CLEC4F: variants seen among roughly 807,000 people sequenced by gnomAD.
CLEC4F encodes the protein C-type (calcium dependent, carbohydrate-recognition domain) lectin, superfamily member 13.
Under a neutral mutation model 53.4 loss-of-function variants are expected in CLEC4F, and 45 were observed. That is an observed-to-expected ratio of 0.84 (90% confidence interval 0.66 to 1.08). The LOEUF (loss-of-function observed/expected upper bound fraction) is 1.08. Ranked by LOEUF, CLEC4F falls within the 50% of genes least tolerant of loss-of-function variation. The pLI, the probability that CLEC4F is intolerant of heterozygous loss-of-function variation, is 0.00. For synonymous variants in CLEC4F, 245 were observed against 257.5 expected, an observed-to-expected ratio of 0.95 and a Z score of 0.46; for missense variants, 753 against 698.2, an observed-to-expected ratio of 1.08 and a Z score of -0.88.
Position 70,816,607 on chromosome 2 carries a change from T to C in CLEC4F, c.774A>G (p.Arg258=). The C allele has an allele frequency of 6.2e-7, 1 of 1,614,164 alleles. No homozygotes were observed. The highest frequency in any genetic ancestry group is 2.2e-5 in the East Asian group (1 of 44,888). ...AGTCATTGACACTATCTAGATGGCC[T>C]CTCAAAACATAGATCTCAGCATTAG... ...KNANAEIYVL[R]GHLDSVNDLR... is the part of the protein sequence containing the mutation. The change falls in exon 4 of 7, where the codon AGA becomes AGG. Residue 258 remains arginine, a synonymous_variant. Transcript: ENST00000272367.
Position 70,811,685 on chromosome 2 carries a change from C to T in CLEC4F, c.1539+762G>A, listed in dbSNP as rs553859228. 1.7e-3 allele frequency among the ~76,000 whole-genome samples: 253 copies of T among 152,234 alleles called. 2 individuals carry two copies. The highest frequency in any genetic ancestry group is 5.7e-3 in the African/African-American group (237 of 41,542). ...CAGTGAGCCACCTGGGACGGTATTGCGTTTGGTGGTCCTCGGACCCATAGT... is the reference window on the plus strand; with the variant it reads ...CAGTGAGCCACCTGGGACGGTATTGTGTTTGGTGGTCCTCGGACCCATAGT... On this transcript the variant is annotated intron_variant, in intron 5 of 6. Transcript: ENST00000272367.
chr2:70,813,597 C>CTCTT (rs370418600), intron 4 of CLEC4F, among the ~76,000 whole-genome samples: 14,619 of 106,090 alleles, frequency 0.14, 1,163 homozygotes, highest in Admixed American at 0.17. Flanking sequence ...CTCTTTCTTT[C>CTCTT]TCTTTCTTTC....
chr2:70,822,588 T>C (rs892244760), upstream of CLEC4F, among the ~76,000 whole-genome samples: 1 of 152,168 alleles, frequency 6.6e-6, no homozygotes, highest in Non-Finnish European at 1.5e-5. Flanking sequence ...AATATTCCCA[T>C]GGCTGGTCAA....
intron 5 of CLEC4F, chr2:70,811,276 C>T (rs782074799): frequency 9.8e-6 from 10 of 1,025,316 alleles, no homozygotes; most frequent in Non-Finnish European, 1.3e-5. Context: ...TTCCATACAC[C>T]TTCATCTTGG....
At chr2:70,822,897 G>T (rs1677261503), upstream of CLEC4F, among the ~76,000 whole-genome samples, 1 of 152,210 alleles carries the variant, frequency 6.6e-6, no homozygotes, top group African/African-American at 2.4e-5. Flanking sequence ...TAGGTCCCCA[G>T]CTGCCAACTA....
intron 4 of CLEC4F, among the ~76,000 whole-genome samples, chr2:70,813,670 T>C (rs150921725): frequency 0.013 from 1,976 of 150,124 alleles, 56 homozygotes; most frequent in African/African-American, 0.047. Flanking sequence ...TTCCTTCCTT[T>C]CTTTCTTCCT....
intron 4 of CLEC4F, 121 bp downstream of exon 4, chr2:70,815,873 A>C (rs577133748): frequency 8.9e-7 from 1 of 1,122,772 alleles, no homozygotes; most frequent in East Asian, 2.4e-5. Context: ...CCTTGGGCCC[A>C]TTTCCCTGGA....
At chr2:70,809,985 T>G in intron 5 of CLEC4F, 128 bp from the exon 6 acceptor site, 1 of 675,298 alleles carries the variant, frequency 1.5e-6, no homozygotes, top group Non-Finnish European at 2.7e-6. Flanking sequence ...AACAGAATTT[T>G]AAAACACTTT....
Position 70,809,728 on chromosome 2 carries a change from G to C in CLEC4F, c.1658+11C>G. The stretch of plus-strand genomic sequence containing the variant: ...GTGCCTGGGACAGCGCCAGATGGTG[G>C]CTAGACTCACGCTTTGTTCTGGGCG... On this transcript the variant is annotated intron_variant, in intron 6 of 6. Coordinates refer to ENST00000272367, the MANE Select transcript of CLEC4F (RefSeq NM_173535.3). 6.2e-7 allele frequency: 1 copy of C among 1,604,372 alleles called. No individual in the cohort carries two copies. The highest frequency in any genetic ancestry group is 1.1e-5 in the South Asian group (1 of 90,912).
chr2:70,820,688 C>T, upstream of CLEC4F: 1 of 608,720 alleles, frequency 1.6e-6, no homozygotes, highest in Non-Finnish European at 2.8e-6. Flanking sequence ...CAGAAACCCG[C>T]CCCAGTGGGC....
rs782371706 is a variant in CLEC4F, at chr2:70,819,797, A to T, written c.156T>A (p.Ser52=). The change falls in exon 2 of 7, where the codon TCT becomes TCA. Residue 52 remains serine, a synonymous_variant. Coordinates refer to ENST00000272367, the MANE Select transcript of CLEC4F (RefSeq NM_173535.3). The part of the protein sequence containing the change: ...PAFMAVTLVF[S]LVTLFVVVQQ... Reference sequence around the variant, plus strand: ...TACCCACTACAAAGAGAGTCACAAGAGAGAAGACCAAGGTCACAGCCATAA... The same window carrying T: ...TACCCACTACAAAGAGAGTCACAAGTGAGAAGACCAAGGTCACAGCCATAA... 5 of 1,603,692 alleles carry T rather than the reference A, an allele frequency of 3.1e-6. No homozygotes were observed. In the South Asian group the frequency reaches 5.6e-5, roughly 18 times the overall value.
chr2:70,809,650 C>T (rs1341410983), intron 6 of CLEC4F, 89 bp downstream of exon 6: 1 of 1,025,418 alleles, frequency 9.8e-7, no homozygotes, highest in East Asian at 2.4e-5. Context: ...ACACACAACA[C>T]TACCACTTAC....
rs1676382867 is a variant in CLEC4F, at chr2:70,808,943, G to C, written c.*328C>G. The C allele has an allele frequency of 1.2e-6, 1 of 838,550 alleles. No individual in the cohort carries two copies. Among genetic ancestry groups the C allele is most frequent in the Non-Finnish European group, 1.9e-6 (1 of 531,088 alleles). 51.9% of individuals were successfully genotyped at this position (838,550 alleles called of 1,614,324 possible). A position where few individuals can be genotyped will look rare whatever the true frequency, so the allele number is the denominator to read the frequency against. On this transcript the variant is annotated 3_prime_UTR_variant, in exon 7 of 7. Transcript: ENST00000272367. ...CTGGCCTGCCCTCAGGCCACACCCTGGCCCATGGGCTTCTTGCACACCCAC... is the reference window on the plus strand; with the variant it reads ...CTGGCCTGCCCTCAGGCCACACCCTCGCCCATGGGCTTCTTGCACACCCAC...
Position 70,816,815 on chromosome 2 carries a change from T to C in CLEC4F, c.566A>G (p.Lys189Arg), listed in dbSNP as rs1676943593. 1.2e-6 allele frequency: 2 copies of C among 1,614,010 alleles called. No homozygotes were observed. Among genetic ancestry groups the C allele is most frequent in the Non-Finnish European group, 8.5e-7 (1 of 1,180,014 alleles). Reference sequence around the variant, plus strand: ...CGTCTGGAAAGTTAAAGCATCTGCCTTTTCAAGGTCTTCCTTGAGCCTCTG... The same window carrying C: ...CGTCTGGAAAGTTAAAGCATCTGCCCTTTCAAGGTCTTCCTTGAGCCTCTG... Reference protein sequence around the residue: ...EIQRLKEDLEKADALTFQTLN... With the variant: ...EIQRLKEDLERADALTFQTLN... The change falls in exon 4 of 7, where the codon AAG (lysine) becomes AGG (arginine). Residue 189 changes from lysine (K) to arginine (R), a missense_variant. By Grantham distance (26) the Lys-to-Arg change is conservative. Transcript: ENST00000272367.
chr2:70,814,341 G>A (rs572020567), intron 4 of CLEC4F, among the ~76,000 whole-genome samples: 1 of 152,302 alleles, frequency 6.6e-6, no homozygotes, highest in South Asian at 2.1e-4. Context: ...AATGAGGACA[G>A]AAACACCAAT....
In CLEC4F at chr2:70,819,889, C is replaced by T. The variant is rs1553397542; in HGVS notation, c.64G>A (p.Val22Met). The change falls in exon 2 of 7, where the codon GTG becomes ATG. Residue 22 changes from valine (V) to methionine (M), a missense_variant and splice_region_variant. By Grantham distance (21) the Val-to-Met change is conservative. Transcript: ENST00000272367. ...GCAGGAGCCATTGCCACAGAGTCCACCTCTGCAGGGGAGAAGGCAGTGTCC... is the reference window on the plus strand; with the variant it reads ...GCAGGAGCCATTGCCACAGAGTCCATCTCTGCAGGGGAGAAGGCAGTGTCC... Reference protein sequence around the residue: ...NQCVSLHPQEVDSVAMAPAAP... With the variant: ...NQCVSLHPQEMDSVAMAPAAP... The T allele has an allele frequency of 1.3e-5, 20 of 1,585,118 alleles. No homozygotes were observed. The highest frequency in any genetic ancestry group is 1.7e-5 in the Non-Finnish European group (20 of 1,166,522).
upstream of CLEC4F, among the ~76,000 whole-genome samples, chr2:70,822,558 G>T (rs1677254646): frequency 6.6e-6 from 1 of 152,174 alleles, no homozygotes; most frequent in Non-Finnish European, 1.5e-5. Context: ...TGCCACAGGG[G>T]TTACCAGCTG....
chr2:70,809,465 C>A, intron 6 of CLEC4F, 83 bp from the exon 7 acceptor site: 1 of 1,449,488 alleles, frequency 6.9e-7, no homozygotes, highest in South Asian at 1.4e-5. Flanking sequence ...TCCTAATGAC[C>A]CTCTGTGGAG....
chr2:70,815,793 G>T (rs1057280386), intron 4 of CLEC4F, among the ~76,000 whole-genome samples: 1 of 152,148 alleles, frequency 6.6e-6, no homozygotes, highest in African/African-American at 2.4e-5. Context: ...TTTGGTCACC[G>T]TGACCAGGTT....
Sources: gnomAD v4.1 joint callset for allele counts (sites outside exome capture counted in the v4.1 genomes callset) on GRCh38, gnomAD v4.1.1 for gene constraint, MANE v1.5 for transcripts, NCBI Gene and HGNC (gene_info 2026-07-23, HGNC 2026-07-21) for gene names.